NTN4: variants seen among roughly 807,000 people sequenced by gnomAD.
The protein encoded by NTN4 is netrin-4.
A neutral mutation model predicts 73.6 loss-of-function variants in NTN4; 32 were observed. That is an observed-to-expected ratio of 0.44 (90% CI 0.33 to 0.58). The LOEUF (loss-of-function observed/expected upper bound fraction) is 0.58, where lower values mean the gene tolerates loss of function less well. Ranked by LOEUF, NTN4 falls within the 20% of genes least tolerant of loss-of-function variation. The pLI is 0.04. For missense variants in NTN4, 654 were observed against 798.3 expected (o/e 0.82, Z 2.18); for synonymous variants, 258 against 287.5 (o/e 0.90, Z 1.04).
chr12:95,695,927 T>TCC, intron 5 of NTN4, among the ~76,000 whole-genome samples: 1 of 125,900 alleles, frequency 7.9e-6, no homozygotes, highest in South Asian at 2.7e-4. Flanking sequence ...TCCCTCCCTC[T>TCC]TTTCTTTTCT....
intron 2 of NTN4, among the ~76,000 whole-genome samples, chr12:95,767,843 A>G (rs1222210451): frequency 6.6e-6 from 1 of 152,154 alleles, no homozygotes; most frequent in East Asian, 1.9e-4. Flanking sequence ...CATACTGGGA[A>G]TAGAGCCTGT....
intron 2 of NTN4, among the ~76,000 whole-genome samples, chr12:95,775,860 T>C (rs1301115430): frequency 6.6e-6 from 1 of 152,168 alleles, no homozygotes. Flanking sequence ...GAGTTTGAGA[T>C]CTGAGAATGG....
At chr12:95,741,308 GATAT>G (rs2078821831) in intron 2 of NTN4, among the ~76,000 whole-genome samples, 1 of 144,026 alleles carries the variant, frequency 6.9e-6, no homozygotes, top group Non-Finnish European at 1.5e-5. Flanking sequence ...AATTATATAT[GATAT>G]ATAATTATAT....
chr12:95,758,824 G>A (rs997275049), intron 2 of NTN4, among the ~76,000 whole-genome samples: 1 of 152,168 alleles, frequency 6.6e-6, no homozygotes, highest in African/African-American at 2.4e-5. Context: ...CCAAAGTGCT[G>A]AGATTACAGT....
At chr12:95,786,801 T>G (rs1013211191) in intron 2 of NTN4, 138 bp downstream of exon 2, 5 of 717,354 alleles carry the variant, frequency 7.0e-6, no homozygotes, top group Non-Finnish European at 1.1e-5. Flanking sequence ...AAGAAATAAT[T>G]TATGACAAAT....
intron 2 of NTN4, among the ~76,000 whole-genome samples, chr12:95,741,605 A>G (rs990870038): frequency 5.0e-5 from 7 of 140,546 alleles, no homozygotes; most frequent in African/African-American, 1.8e-4. Context: ...ATAGCCACTC[A>G]AGCTTTCTTT....
At chr12:95,731,480 C>A (rs1386139735) in intron 3 of NTN4, among the ~76,000 whole-genome samples, 1 of 152,058 alleles carries the variant, frequency 6.6e-6, no homozygotes, top group Non-Finnish European at 1.5e-5. Context: ...GCAGGAAAAT[C>A]GCTTGAATCT....
chr12:95,687,514 C>T (rs1216545272), intron 5 of NTN4, among the ~76,000 whole-genome samples: 1 of 151,876 alleles, frequency 6.6e-6, no homozygotes, highest in Non-Finnish European at 1.5e-5. Context: ...TATTCTCCTG[C>T]CTCAGCCTCC....
At chr12:95,670,986 A>C (rs2078224625) in intron 7 of NTN4, 1 of 151,792 alleles carries the variant, frequency 6.6e-6, no homozygotes, top group Non-Finnish European at 1.5e-5. Context: ...GTATGTATGT[A>C]TGTATATATT....
chr12:95,731,504 T>C lies in NTN4; in HGVS notation c.864+6362A>G, dbSNP rs1033041331. On this transcript the variant is annotated intron_variant, in intron 3 of 9. Coordinates refer to ENST00000343702, the MANE Select transcript of NTN4 (RefSeq NM_021229.4). ...TCGCTTGAATCTGGGAGGCAGAGGTTGCAGTGAGCCGAGATTGCGCCACTG... is the reference window on the plus strand; with the variant it reads ...TCGCTTGAATCTGGGAGGCAGAGGTCGCAGTGAGCCGAGATTGCGCCACTG... Among the ~76,000 whole-genome samples the C allele has an allele frequency of 3.9e-4, 59 of 152,158 alleles. 2 individuals carry two copies. Among genetic ancestry groups the C allele is most frequent in the Non-Finnish European group, 4.4e-5 (3 of 68,028 alleles).
intron 2 of NTN4, among the ~76,000 whole-genome samples, chr12:95,753,754 G>A (rs1319484169): frequency 1.3e-5 from 2 of 151,736 alleles, no homozygotes; most frequent in African/African-American, 2.4e-5. Context: ...TACCACTTTC[G>A]CTTCTCAGAA....
chr12:95,712,923 C>A (rs753917923), intron 4 of NTN4, among the ~76,000 whole-genome samples: 27 of 151,580 alleles, frequency 1.8e-4, no homozygotes, highest in Non-Finnish European at 3.5e-4. Flanking sequence ...CAGGTGTGAG[C>A]CATCCTCCTG....
intron 8 of NTN4, among the ~76,000 whole-genome samples, chr12:95,666,240 T>G (rs1054285410): frequency 6.6e-6 from 1 of 152,088 alleles, no homozygotes; most frequent in Admixed American, 6.6e-5. Flanking sequence ...TGCAAAGACC[T>G]AAGAATGATA....
chr12:95,742,206 G>A (rs2078831582), intron 2 of NTN4, among the ~76,000 whole-genome samples: 1 of 151,922 alleles, frequency 6.6e-6, no homozygotes, highest in Non-Finnish European at 1.5e-5. Context: ...TAAGAAGATG[G>A]AAAATTAGGC....
intron 4 of NTN4, among the ~76,000 whole-genome samples, chr12:95,712,771 TTTTC>T (rs1270857207): frequency 1.2e-4 from 18 of 148,984 alleles, no homozygotes; most frequent in African/African-American, 1.7e-4. Flanking sequence ...CCGGCTAATT[TTTTC>T]TTTCTTTCTT....
chr12:95,663,025 C>T (rs1376353499), intron 9 of NTN4, among the ~76,000 whole-genome samples: 2 of 151,694 alleles, frequency 1.3e-5, no homozygotes, highest in Admixed American at 6.6e-5. Flanking sequence ...GAGGCTGAGG[C>T]GGGAGGATTG....
Position 95,667,271 on chromosome 12 carries a change from C to A in NTN4, c.1580-1291G>T, listed in dbSNP as rs181246020. On this transcript the variant is annotated intron_variant, in intron 8 of 9. Transcript: ENST00000343702. ...ATGGTGCGATCTTGGCTCACTGCAACCTCCGCCTCCGAGGTTCAAGCAATT... is the reference window on the plus strand; with the variant it reads ...ATGGTGCGATCTTGGCTCACTGCAAACTCCGCCTCCGAGGTTCAAGCAATT... Among the ~76,000 whole-genome samples, 74 of 150,774 alleles carry A rather than the reference C, an allele frequency of 4.9e-4. 1 individual carries two copies. The East Asian group carries it at 8.6e-3, about 18-fold the overall frequency.
rs1159029005 is a variant in NTN4, at chr12:95,673,023, T to C, written c.1511-2877A>G. 8.3e-5 allele frequency: 120 copies of C among 1,445,614 alleles called. 3 individuals carry two copies. The South Asian group carries it at 1.2e-3, about 15-fold the overall frequency. The allele number at this position is 1,445,614 out of a possible 1,614,324, so 89.5% of individuals were successfully genotyped here. ...TCCTGGGGGATGAAGGGACCCTGTGTAAAGCCATGGAAGCTGTGGCTGCCC... is the reference window on the plus strand; with the variant it reads ...TCCTGGGGGATGAAGGGACCCTGTGCAAAGCCATGGAAGCTGTGGCTGCCC... On this transcript the variant is annotated intron_variant, in intron 7 of 9. Coordinates refer to ENST00000343702, the MANE Select transcript of NTN4 (RefSeq NM_021229.4).
At chr12:95,700,067 T>C (rs73222157) in intron 5 of NTN4, among the ~76,000 whole-genome samples, 3 of 150,092 alleles carry the variant, frequency 2.0e-5, no homozygotes, top group Non-Finnish European at 4.4e-5. Flanking sequence ...CAGTGTATTC[T>C]TCTAAAGTGA....
Sources: allele counts gnomAD v4.1 joint callset (sites outside exome capture counted in the v4.1 genomes callset), GRCh38; gene constraint gnomAD v4.1.1; transcripts MANE v1.5; gene names NCBI Gene and HGNC (gene_info 2026-07-23, HGNC 2026-07-21).